Variants in SDK1 observed in about 807,000 individuals in gnomAD.
The protein encoded by SDK1 is protein sidekick-1.
In SDK1, 157 loss-of-function variants were observed where a neutral mutation model predicts 245.5. The observed-to-expected ratio is 0.64, with a 90% CI of 0.56 to 0.73. The LOEUF (loss-of-function observed/expected upper bound fraction) is 0.73, where lower values mean the gene tolerates loss of function less well. Ranked by LOEUF, SDK1 falls within the 30% of genes least tolerant of loss-of-function variation. The probability of loss-of-function intolerance (pLI) is 0.00; values close to 1 mark genes in which losing one functional copy is unlikely to be tolerated. For missense variants in SDK1, 3,583 were observed against 3,002.3 expected (o/e 1.19, Z -4.52); for synonymous variants, 1,647 against 1,278.5 (o/e 1.29, Z -6.15).
chr7:4,028,856 T>C (rs1787567662), intron 17 of SDK1, among the ~76,000 whole-genome samples: 2 of 152,074 alleles, frequency 1.3e-5, no homozygotes, highest in African/African-American at 4.8e-5. Context: ...GGAAAACCCA[T>C]TGGAAGATGA....
chr7:3,479,129 A>G (rs771740658), intron 1 of SDK1, among the ~76,000 whole-genome samples: 30 of 152,132 alleles, frequency 2.0e-4, no homozygotes, highest in Non-Finnish European at 3.1e-4. Flanking sequence ...AAGCATATCT[A>G]TTGTTCAGGC....
intron 1 of SDK1, among the ~76,000 whole-genome samples, chr7:3,495,665 T>G (rs1782003030): frequency 6.6e-6 from 1 of 152,242 alleles, no homozygotes; most frequent in East Asian, 1.9e-4. Flanking sequence ...CCATAAAGAC[T>G]GTCACCAACT....
chr7:3,722,591 C>T (rs1387995709), intron 4 of SDK1, among the ~76,000 whole-genome samples: 5 of 152,152 alleles, frequency 3.3e-5, no homozygotes, highest in East Asian at 1.9e-4. Flanking sequence ...ACTGTGTGTA[C>T]GCGCCTTAGC....
At chr7:3,759,975 A>G (rs907060064) in intron 4 of SDK1, among the ~76,000 whole-genome samples, 4 of 151,940 alleles carry the variant, frequency 2.6e-5, no homozygotes, top group Non-Finnish European at 4.4e-5. Flanking sequence ...ATCATTTCCA[A>G]TACTGGGGGT....
intron 4 of SDK1, among the ~76,000 whole-genome samples, chr7:3,661,713 A>C (rs2128659555): frequency 6.6e-6 from 1 of 152,326 alleles, no homozygotes; most frequent in East Asian, 1.9e-4. Context: ...GGAAAAATGC[A>C]GTATAAAATG....
At chr7:3,783,291 T>C (rs1459220714) in intron 4 of SDK1, among the ~76,000 whole-genome samples, 1 of 152,168 alleles carries the variant, frequency 6.6e-6, no homozygotes, top group Non-Finnish European at 1.5e-5. Flanking sequence ...AAGCCTTTCC[T>C]CTGACATAGA....
chr7:3,705,425 G>GATTTTATTTT (rs4039583), intron 4 of SDK1, among the ~76,000 whole-genome samples: 1,901 of 113,806 alleles, frequency 0.017, 29 homozygotes, highest in Non-Finnish European at 0.025. Context: ...TATTCCTAGT[G>GATTTTATTTT]ATTTTATTTT....
chr7:3,845,503 A>AT (rs1780254679), intron 5 of SDK1, among the ~76,000 whole-genome samples: 1 of 150,436 alleles, frequency 6.6e-6, no homozygotes, highest in African/African-American at 2.4e-5. Context: ...AAAAAAAAAA[A>AT]AAAAAAAAAG....
At chr7:3,504,234 C>T (rs1235952753) in intron 1 of SDK1, among the ~76,000 whole-genome samples, 1 of 105,052 alleles carries the variant, frequency 9.5e-6, no homozygotes, top group Non-Finnish European at 2.1e-5. Flanking sequence ...CAATTCATAT[C>T]AAAATCCCAG....
At chr7:4,259,178 C>T (rs1032283767) in intron 44 of SDK1, among the ~76,000 whole-genome samples, 3 of 152,210 alleles carry the variant, frequency 2.0e-5, no homozygotes, top group African/African-American at 4.8e-5. Flanking sequence ...GGGGCTCACA[C>T]CTGTAATCTC....
intron 1 of SDK1, among the ~76,000 whole-genome samples, chr7:3,342,997 T>C (rs1780388513): frequency 1.3e-5 from 1 of 78,604 alleles, no homozygotes; most frequent in South Asian, 5.9e-4. Context: ...TTCTGCTAAA[T>C]GGCTGAAAAA....
chr7:4,091,257 T>C (rs1584098098), intron 22 of SDK1, among the ~76,000 whole-genome samples: 1 of 152,172 alleles, frequency 6.6e-6, no homozygotes, highest in Non-Finnish European at 1.5e-5. Context: ...ACAAAGGCAA[T>C]GATCCTTACT....
intron 38 of SDK1, among the ~76,000 whole-genome samples, chr7:4,218,286 A>G (rs1784947083): frequency 1.3e-5 from 2 of 152,132 alleles, no homozygotes; most frequent in Non-Finnish European, 2.9e-5. Flanking sequence ...CCAGCTACTC[A>G]TGAGGCTAAG....
intron 5 of SDK1, among the ~76,000 whole-genome samples, chr7:3,868,943 T>C (rs1780888549): frequency 6.6e-6 from 1 of 152,120 alleles, no homozygotes. Flanking sequence ...AAAATGTAAA[T>C]GACTACATTA....
chr7:4,182,474 G>C (rs1263965838), intron 35 of SDK1, among the ~76,000 whole-genome samples: 3 of 152,302 alleles, frequency 2.0e-5, no homozygotes, highest in African/African-American at 7.2e-5. Context: ...ACTTCCACAG[G>C]GCAGGAGAGC....
intron 1 of SDK1, among the ~76,000 whole-genome samples, chr7:3,585,472 T>C (rs1021639556): frequency 2.0e-5 from 3 of 151,856 alleles, no homozygotes; most frequent in African/African-American, 7.3e-5. Flanking sequence ...ACATTAAGCA[T>C]GGAAAGAGAG....
intron 1 of SDK1, among the ~76,000 whole-genome samples, chr7:3,563,714 A>G (rs1470005939): frequency 6.6e-6 from 1 of 152,198 alleles, no homozygotes; most frequent in Non-Finnish European, 1.5e-5. Context: ...GCTGTTAGGA[A>G]TACACCTAAA....
chr7:3,893,833 T>C (rs902695430), intron 5 of SDK1, among the ~76,000 whole-genome samples: 7 of 152,066 alleles, frequency 4.6e-5, no homozygotes, highest in Admixed American at 2.0e-4. Context: ...CCTCACCTTA[T>C]CTGACCCTGG....
At chr7:4,255,837 G>C (rs1348803019) in intron 44 of SDK1, among the ~76,000 whole-genome samples, 1 of 151,872 alleles carries the variant, frequency 6.6e-6, no homozygotes, top group Non-Finnish European at 1.5e-5. Context: ...TCTCACTATC[G>C]AGTGAGATTT....
Sources: allele counts gnomAD v4.1 joint callset (sites outside exome capture counted in the v4.1 genomes callset), GRCh38; gene constraint gnomAD v4.1.1; transcripts MANE v1.5; gene names NCBI Gene and HGNC (gene_info 2026-07-23, HGNC 2026-07-21).